Variants in EFHB observed in about 807,000 individuals in gnomAD.
The protein encoded by EFHB is EF-hand domain-containing family member B.
EFHB carries 91 observed loss-of-function variants against 87.2 expected under a neutral mutation model. The ratio of observed to expected loss-of-function variants is 1.04; its 90% CI spans 0.88 to 1.24. The LOEUF is 1.24. EFHB is among the 50% of genes most tolerant of loss of function. The pLI is 0.00. For synonymous variants in EFHB, 325 were observed against 333.6 expected, an observed-to-expected ratio of 0.97 and a Z score of 0.28; for missense variants, 1,084 against 998.8, an observed-to-expected ratio of 1.09 and a Z score of -1.15.
chr3:19,920,694 G>C, intron 1 of EFHB, 127 bp from the exon 2 acceptor site: 3 of 645,680 alleles, frequency 4.6e-6, no homozygotes, highest in Non-Finnish European at 7.8e-6. Context: ...ACATAAAAAA[G>C]GAAGAACAAA....
At chr3:19,919,764 A>C in intron 3 of EFHB, 69 bp downstream of exon 3, 2 of 1,464,752 alleles carry the variant, frequency 1.4e-6, no homozygotes, top group Non-Finnish European at 1.9e-6. Context: ...GAATTTCACT[A>C]ATACCTGATT....
Position 19,933,758 on chromosome 3 carries a change from AC to A in EFHB, c.260del (p.Gly87ValfsTer3). 1 of 1,613,568 alleles carries A rather than the reference AC, an allele frequency of 6.2e-7. No homozygotes were observed. On this transcript the variant is annotated frameshift_variant, in exon 1 of 13. Coordinates refer to ENST00000295824, the MANE Select transcript of EFHB (RefSeq NM_144715.4). LOFTEE classifies it high-confidence loss of function. ...QNISRTVMQR[G>X]SLGVDSVSAS... ...CTGAGACACTGTCGACTCCTAAACT[AC>A]CCCTCTGCATGACAGTCCTAGAAAT...
At chr3:19,936,090 T>A, upstream of EFHB, 1 of 1,200,504 alleles carries the variant, frequency 8.3e-7, no homozygotes, top group East Asian at 3.9e-5. Context: ...CCCCTTAAAA[T>A]CCAAAAATAT....
Position 19,933,904 on chromosome 3 carries a change from C to T in EFHB, c.115G>A (p.Glu39Lys), listed in dbSNP as rs1195090418. 6.2e-7 allele frequency: 1 copy of T among 1,613,862 alleles called. No homozygotes were observed. Among genetic ancestry groups the T allele is most frequent in the Non-Finnish European group, 8.5e-7 (1 of 1,179,894 alleles). ...ELGIRVGLGK[E>K]DSRCGESPVV... ...GGGCTCTCCCCGCATCGGGAATCTTCTTTTCCTAATCCTACTCTGATCCCC... is the reference window on the plus strand; with the variant it reads ...GGGCTCTCCCCGCATCGGGAATCTTTTTTTCCTAATCCTACTCTGATCCCC... Residue 39 changes from glutamate to lysine, a missense_variant, in exon 1 of 13, where the codon GAA (glutamate) becomes AAA (lysine). Coordinates refer to ENST00000295824, the MANE Select transcript of EFHB (RefSeq NM_144715.4).
At chr3:19,938,338 T>C (rs1374163358), upstream of EFHB, among the ~76,000 whole-genome samples, 1 of 152,248 alleles carries the variant, frequency 6.6e-6, no homozygotes, top group Non-Finnish European at 1.5e-5. Context: ...ATTTTATGGA[T>C]ATTTGAACTT....
chr3:19,936,222 C>T (rs1337470794), upstream of EFHB: 1 of 845,488 alleles, frequency 1.2e-6, no homozygotes, highest in South Asian at 1.4e-5. Flanking sequence ...TGGTGGCTCA[C>T]ATCTGTAGTC....
chr3:19,899,605 A>T lies in EFHB; in HGVS notation c.1419-90T>A, dbSNP rs1259632780. ...ATAAGGCGAAGAATACCATAGTATCATTAGGCCTTCCAGGAACAAATGTAG... is the reference window on the plus strand; with the variant it reads ...ATAAGGCGAAGAATACCATAGTATCTTTAGGCCTTCCAGGAACAAATGTAG... On this transcript the variant is annotated intron_variant, in intron 6 of 12. Coordinates refer to ENST00000295824, the MANE Select transcript of EFHB (RefSeq NM_144715.4). 3 of 812,924 alleles carry T rather than the reference A, an allele frequency of 3.7e-6. No homozygotes were observed. The African/African-American group carries it at 5.3e-5, about 14-fold the overall frequency. 50.4% of individuals were successfully genotyped at this position (812,924 alleles called of 1,614,324 possible). A position where few individuals can be genotyped will look rare whatever the true frequency, so the allele number is the denominator to read the frequency against.
intron 1 of EFHB, among the ~76,000 whole-genome samples, chr3:19,939,499 C>T (rs1415321354): frequency 6.6e-6 from 1 of 150,838 alleles, no homozygotes; most frequent in African/African-American, 2.4e-5. Flanking sequence ...ATTCTCCCGC[C>T]TCAGCCTCTA....
In EFHB at chr3:19,898,820, G is replaced by T; in HGVS notation, c.1528C>A (p.Pro510Thr). The T allele has an allele frequency of 6.2e-7, 1 of 1,613,714 alleles. No individual in the cohort carries two copies. Among genetic ancestry groups the T allele is most frequent in the Non-Finnish European group, 8.5e-7 (1 of 1,179,794 alleles). ...DPIAETMNVPPDCTFGACLRP... is the reference protein window; with the variant it reads ...DPIAETMNVPTDCTFGACLRP... ...AGACAAGCTCCAAATGTGCAGTCTG[G>T]GGGAACATTCATTGTTTCTGCAATG... is the stretch of plus-strand genomic sequence containing the variant. The change falls in exon 8 of 13, where the codon CCA becomes ACA. Residue 510 changes from proline to threonine, a missense_variant. Coordinates refer to ENST00000295824, the MANE Select transcript of EFHB (RefSeq NM_144715.4).
chr3:19,931,966 T>C (rs1193390296), intron 1 of EFHB, among the ~76,000 whole-genome samples: 1 of 152,228 alleles, frequency 6.6e-6, no homozygotes, highest in African/African-American at 2.4e-5. Flanking sequence ...TTGTCTCATA[T>C]TACCAAGTGT....
chr3:19,914,350 G>A (rs774801766), intron 5 of EFHB, among the ~76,000 whole-genome samples: 2 of 152,002 alleles, frequency 1.3e-5, no homozygotes, highest in Non-Finnish European at 2.9e-5. Flanking sequence ...CAATCCATAG[G>A]GCTTTCTCAG....
chr3:19,890,437 G>A (rs967410947), intron 9 of EFHB, among the ~76,000 whole-genome samples: 2 of 152,134 alleles, frequency 1.3e-5, no homozygotes, highest in Admixed American at 6.6e-5. Context: ...GTCAGTCCTG[G>A]GAGAGGATGG....
chr3:19,933,628 C>G lies in EFHB; in HGVS notation c.391G>C (p.Gly131Arg), dbSNP rs1248509462. ...THERIIQPPL[G>R]RVCGSSQAAG... ...GCCTGTGAACTTCCACACACCCTGC[C>G]CAAAGGAGGCTGTATTATCCGTTCA... Residue 131 changes from glycine (G) to arginine (R), a missense_variant, in exon 1 of 13, where the codon GGC becomes CGC. Gly to Arg is a moderately radical substitution (Grantham distance 125). Coordinates refer to ENST00000295824, the MANE Select transcript of EFHB (RefSeq NM_144715.4). The G allele has an allele frequency of 2.5e-6, 4 of 1,613,984 alleles. No homozygotes were observed. The highest frequency in any genetic ancestry group is 3.4e-6 in the Non-Finnish European group (4 of 1,179,892).
Position 19,934,161 on chromosome 3 carries a change from T to G in EFHB, c.-143A>C. 1 of 1,445,016 alleles carries G rather than the reference T, an allele frequency of 6.9e-7. No homozygotes were observed. Among genetic ancestry groups the G allele is most frequent in the South Asian group, 1.5e-5 (1 of 66,988 alleles). 89.5% of individuals were successfully genotyped at this position (1,445,016 alleles called of 1,614,324 possible). ...AACCTCACTCGGACTCCCTGTCCAT[T>G]GCTTCCTGCCTGCCTCTTAACACCT... On this transcript the variant is annotated 5_prime_UTR_variant, in exon 1 of 13. Transcript: ENST00000295824.
upstream of EFHB, chr3:19,936,381 C>G (rs1295456672): frequency 2.9e-5 from 15 of 521,360 alleles, no homozygotes; most frequent in Non-Finnish European, 4.4e-5. Context: ...ATGGGTAACA[C>G]AGTGAGACCT....
chr3:19,896,467 T>C (rs1318342938), intron 9 of EFHB: 4 of 636,536 alleles, frequency 6.3e-6, no homozygotes, highest in Non-Finnish European at 1.1e-5. Context: ...ATACAGTTTT[T>C]GTTGCTACTA....
chr3:19,933,123 C>G (rs1695885153), intron 1 of EFHB, 107 bp downstream of exon 1: 1 of 1,325,138 alleles, frequency 7.5e-7, no homozygotes, highest in Non-Finnish European at 1.0e-6. Flanking sequence ...TCATAAAATC[C>G]TTGTGATTTG....
intron 4 of EFHB, 77 bp downstream of exon 4, chr3:19,918,155 A>G: frequency 1.5e-6 from 2 of 1,309,580 alleles, no homozygotes; most frequent in Non-Finnish European, 2.1e-6. Flanking sequence ...CATCATACAA[A>G]TAAGATATTT....
intron 1 of EFHB, among the ~76,000 whole-genome samples, chr3:19,921,505 T>A (rs1463158472): frequency 6.6e-6 from 1 of 151,984 alleles, no homozygotes; most frequent in Non-Finnish European, 1.5e-5. Flanking sequence ...ATTAGATACA[T>A]GAAGAAGGAA....
Sources: gnomAD v4.1 joint callset for allele counts (sites outside exome capture counted in the v4.1 genomes callset) on GRCh38, gnomAD v4.1.1 for gene constraint, MANE v1.5 for transcripts, NCBI Gene and HGNC (gene_info 2026-07-23, HGNC 2026-07-21) for gene names.